SKA2: variants seen among roughly 807,000 people sequenced by gnomAD.
The protein encoded by SKA2 is spindle and kinetochore associated complex subunit 2, also known as spindle and kinetochore-associated protein 2.
In SKA2, 13 loss-of-function variants were observed where a neutral mutation model predicts 16.9. The observed-to-expected ratio is 0.77, with a 90% CI of 0.50 to 1.22. The LOEUF (loss-of-function observed/expected upper bound fraction) is 1.22, where lower values mean the gene tolerates loss of function less well. Ranked by LOEUF, SKA2 falls within the 50% of genes most tolerant of loss-of-function variation. SKA2 has a pLI of 0.00. For synonymous variants in SKA2, 47 were observed against 48.5 expected, an observed-to-expected ratio of 0.97 and a Z score of 0.13; for missense variants, 107 against 139.7, an observed-to-expected ratio of 0.77 and a Z score of 1.18.
chr17:59,116,276 G>A (rs1174945032), intron 3 of SKA2, among the ~76,000 whole-genome samples: 2 of 152,192 alleles, frequency 1.3e-5, no homozygotes, highest in Non-Finnish European at 2.9e-5. Context: ...GGGAGGCTGA[G>A]GCAGGAGAAT....
At chr17:59,142,689 A>G (rs1181300925) in intron 1 of SKA2, among the ~76,000 whole-genome samples, 3 of 151,708 alleles carry the variant, frequency 2.0e-5, no homozygotes, top group African/African-American at 7.3e-5. Context: ...CACTCTGGGA[A>G]GCCGAGGTGG....
At chr17:59,131,922 C>T (rs1947884046) in intron 1 of SKA2, among the ~76,000 whole-genome samples, 1 of 152,098 alleles carries the variant, frequency 6.6e-6, no homozygotes, top group Non-Finnish European at 1.5e-5. Flanking sequence ...GTCTGAATAA[C>T]CCCAATTTAC....
At chr17:59,127,738 A>G (rs2147803368) in intron 2 of SKA2, among the ~76,000 whole-genome samples, 1 of 152,262 alleles carries the variant, frequency 6.6e-6, no homozygotes, top group South Asian at 2.1e-4. Flanking sequence ...ATGCCTTGGA[A>G]AACAGTTTGG....
intron 1 of SKA2, among the ~76,000 whole-genome samples, chr17:59,145,391 AT>A (rs1226363518): frequency 6.6e-6 from 1 of 152,094 alleles, no homozygotes; most frequent in Non-Finnish European, 1.5e-5. Flanking sequence ...ATAAACACTC[AT>A]CTCTGGACGT....
At chr17:59,128,261 G>A (rs1368373600) in intron 2 of SKA2, among the ~76,000 whole-genome samples, 3 of 151,862 alleles carry the variant, frequency 2.0e-5, no homozygotes, top group South Asian at 2.1e-4. Context: ...TAGCCATACA[G>A]TGGAGTATTA....
intron 2 of SKA2, among the ~76,000 whole-genome samples, chr17:59,125,155 T>A: frequency 6.8e-6 from 1 of 147,678 alleles, no homozygotes. Context: ...GTATTTTTTT[T>A]TTTTTTTTTT....
At position 59,127,926 on chromosome 17, in the gene SKA2, A is replaced by C. The variant is rs555595829; in HGVS notation, c.120+3355T>G. Among the ~76,000 whole-genome samples the C allele has an allele frequency of 1.2e-3, 186 of 152,062 alleles. 1 individual carries two copies. The highest frequency in any genetic ancestry group is 4.3e-3 in the African/African-American group (179 of 41,528). On this transcript the variant is annotated intron_variant, in intron 2 of 3. Coordinates refer to ENST00000330137, the MANE Select transcript of SKA2 (RefSeq NM_182620.4). ...CATCAACTGATGACTGGATAAGAAA[A>C]TGGAGTATGGGCCGGGCACGGTGGC...
chr17:59,153,590 G>T (rs79301113), intron 1 of SKA2, among the ~76,000 whole-genome samples: 4,217 of 152,202 alleles, frequency 0.028, 78 homozygotes, highest in Non-Finnish European at 0.044. Flanking sequence ...GGGTGGGAAT[G>T]GGGGGTGGGT....
intron 1 of SKA2, among the ~76,000 whole-genome samples, chr17:59,143,773 C>T (rs528019794): frequency 1.3e-5 from 2 of 152,116 alleles, no homozygotes; most frequent in East Asian, 3.9e-4. Flanking sequence ...CGCCTGGCCC[C>T]AAAACTTTAA....
At chr17:59,119,520 G>GT in intron 2 of SKA2, 25 bp from the exon 3 acceptor site, 1 of 1,597,960 alleles carries the variant, frequency 6.3e-7, no homozygotes, top group Non-Finnish European at 8.6e-7. Context: ...AAGTGAACAT[G>GT]TATTAAATTA....
chr17:59,142,505 C>T (rs1222924842), intron 1 of SKA2, among the ~76,000 whole-genome samples: 6 of 151,808 alleles, frequency 4.0e-5, no homozygotes, highest in Non-Finnish European at 7.4e-5. Context: ...GGTCAGGCTG[C>T]TCTCGAACTC....
chr17:59,123,779 A>ATATATATGTTTAGTCCAGAG (rs373854134), intron 2 of SKA2, among the ~76,000 whole-genome samples: 4,206 of 152,188 alleles, frequency 0.028, 161 homozygotes, highest in African/African-American at 0.085. Flanking sequence ...CTAAACAGTT[A>ATATATATGTTTAGTCCAGAG]TATATGTTAA....
intron 1 of SKA2, among the ~76,000 whole-genome samples, chr17:59,153,933 G>A (rs1232890723): frequency 2.0e-5 from 3 of 151,796 alleles, no homozygotes; most frequent in Non-Finnish European, 4.4e-5. Context: ...CATCACACCC[G>A]GCTAATTTTT....
At chr17:59,131,448 C>T in intron 1 of SKA2, 81 bp from the exon 2 acceptor site, 1 of 914,948 alleles carries the variant, frequency 1.1e-6, no homozygotes, top group Non-Finnish European at 1.6e-6. Flanking sequence ...TTTCTCTTTA[C>T]ATTTGTTAGT....
chr17:59,154,955 C>A, intron 1 of SKA2, 176 bp downstream of exon 1: 1 of 1,613,914 alleles, frequency 6.2e-7, no homozygotes, highest in Non-Finnish European at 8.5e-7. Flanking sequence ...TAACCCCTTA[C>A]CCGAGGCGGT....
In SKA2 at chr17:59,129,629, G is replaced by A. The variant is rs542194062; in HGVS notation, c.120+1652C>T. On this transcript the variant is annotated intron_variant, in intron 2 of 3. Coordinates refer to ENST00000330137, the MANE Select transcript of SKA2 (RefSeq NM_182620.4). ...TCCCAGCACTTTAGGAGGCTGAGGC[G>A]GGTGGATCACTTGAGGTCAGGAGTT... Among the ~76,000 whole-genome samples the A allele has an allele frequency of 3.4e-4, 51 of 152,012 alleles. 1 individual carries two copies. In the South Asian group the frequency reaches 0.01, roughly 31 times the overall value.
chr17:59,150,305 T>C (rs948884566), intron 1 of SKA2, among the ~76,000 whole-genome samples: 1 of 152,222 alleles, frequency 6.6e-6, no homozygotes, highest in Non-Finnish European at 1.5e-5. Context: ...TTTTATATAA[T>C]TGTATCTCAA....
At chr17:59,121,094 G>T (rs1405353756) in intron 2 of SKA2, among the ~76,000 whole-genome samples, 1 of 150,536 alleles carries the variant, frequency 6.6e-6, no homozygotes, top group African/African-American at 2.4e-5. Flanking sequence ...AGAGGTTGCT[G>T]TGAGCCGAGA....
intron 1 of SKA2, among the ~76,000 whole-genome samples, chr17:59,154,728 A>C (rs1599685124): frequency 1.3e-5 from 2 of 148,742 alleles, no homozygotes; most frequent in South Asian, 4.3e-4. Context: ...TCCCCACCCC[A>C]CCCTCCGTTC....
Sources: gnomAD v4.1 joint callset for allele counts (sites outside exome capture counted in the v4.1 genomes callset) on GRCh38, gnomAD v4.1.1 for gene constraint, MANE v1.5 for transcripts, NCBI Gene and HGNC (gene_info 2026-07-23, HGNC 2026-07-21) for gene names.